The following AAMDC variants were observed in gnomAD, a reference collection of about 807,000 sequenced individuals.
AAMDC encodes the protein mth938 domain-containing protein.
In AAMDC, 16 loss-of-function variants were observed where a neutral mutation model predicts 15.5. The ratio of observed to expected loss-of-function variants is 1.03; its 90% confidence interval spans 0.70 to 1.57. The LOEUF is 1.57. AAMDC is among the 40% of genes most tolerant of loss of function. The pLI, the probability that AAMDC is intolerant of heterozygous loss-of-function variation, is 0.00. For synonymous variants in AAMDC, 51 were observed against 51.6 expected, an observed-to-expected ratio of 0.99 and a Z score of 0.05; for missense variants, 141 against 144.9, an observed-to-expected ratio of 0.97 and a Z score of 0.14.
downstream of AAMDC, among the ~76,000 whole-genome samples, chr11:77,902,625 TTA>T (rs1242068423): frequency 2.0e-5 from 3 of 152,208 alleles, no homozygotes; most frequent in Non-Finnish European, 2.9e-5. Flanking sequence ...AATGGGATTA[TTA>T]TGAGGGTTAA....
rs112874127 is a variant in AAMDC, at chr11:77,837,799, AT to A, written c.-18-4679del. Among the ~76,000 whole-genome samples the A allele has an allele frequency of 8.1e-3, 1,241 of 152,290 alleles. 14 individuals carry two copies. Among genetic ancestry groups the A allele is most frequent in the African/African-American group, 0.027 (1,102 of 41,544 alleles). On this transcript the variant is annotated intron_variant, in intron 1 of 3. Transcript: ENST00000393427. ...AGCCTGGGCACAGTGGCTCATGCCT[AT>A]AATGCAAGCACTTGGGAGGCTGAGA... is the stretch of plus-strand genomic sequence containing the variant.
At chr11:77,834,441 G>GTTTTTTTTTTTTTTTT (rs11438814) in intron 1 of AAMDC, among the ~76,000 whole-genome samples, 1 of 105,548 alleles carries the variant, frequency 9.5e-6, no homozygotes, top group Non-Finnish European at 1.9e-5. Flanking sequence ...AGTTGATTTT[G>GTTTTTTTTTTTTTTTT]TTTTTTTTTT....
In AAMDC at chr11:77,842,598, G is replaced by A. The variant is rs750121409; in HGVS notation, c.102G>A (p.Arg34=). The change falls in exon 2 of 4, where the codon CGG becomes CGA. Residue 34 remains arginine (R), a synonymous_variant. Transcript: ENST00000393427. ...KDCKVWPGGS[R]TWDWRETGTE... ...GCAAAGTATGGCCAGGGGGTAGTCG[G>A]ACTTGGGATTGGAGAGAAACAGGAA... 3 of 1,613,942 alleles carry A rather than the reference G, an allele frequency of 1.9e-6. No homozygotes were observed. The highest frequency in any genetic ancestry group is 2.5e-6 in the Non-Finnish European group (3 of 1,179,954).
At chr11:77,870,528 G>C (rs1364907000) in intron 3 of AAMDC, among the ~76,000 whole-genome samples, 2 of 151,504 alleles carry the variant, frequency 1.3e-5, no homozygotes, top group South Asian at 4.2e-4. Flanking sequence ...TAGTAGAGAC[G>C]GGGTTTCACC....
chr11:77,900,384 C>T (rs1952737200), intron 5 of AAMDC, among the ~76,000 whole-genome samples: 1 of 152,148 alleles, frequency 6.6e-6, no homozygotes, highest in African/African-American at 2.4e-5. Flanking sequence ...CAGGTGTGAG[C>T]CACCACACCC....
Position 77,848,236 on chromosome 11 carries a change from T to C in AAMDC, c.132+5608T>C, listed in dbSNP as rs151314213. 1.2e-3 allele frequency among the ~76,000 whole-genome samples: 183 copies of C among 152,370 alleles called. 1 individual carries two copies. The highest frequency in any genetic ancestry group is 3.4e-3 in the Middle Eastern group (1 of 294). ...GTTATCCAGACTGTGGTTTAAGTTA[T>C]ACTGGAGCACAAACTTACATGGCTT... On this transcript the variant is annotated intron_variant, in intron 2 of 3. Coordinates refer to ENST00000393427, the MANE Select transcript of AAMDC (RefSeq NM_024684.4).
chr11:77,892,774 A>G (rs1011995329), intron 5 of AAMDC, among the ~76,000 whole-genome samples: 1 of 152,102 alleles, frequency 6.6e-6, no homozygotes, highest in Non-Finnish European at 1.5e-5. Context: ...TAGTAGAGAC[A>G]GGGTGTCACT....
intron 5 of AAMDC, among the ~76,000 whole-genome samples, chr11:77,893,816 C>A (rs1332665380): frequency 4.0e-5 from 6 of 151,834 alleles, no homozygotes; most frequent in Non-Finnish European, 5.9e-5. Flanking sequence ...TCACTTGAAC[C>A]CAGGAGGCGG....
intron 5 of AAMDC, among the ~76,000 whole-genome samples, chr11:77,892,238 T>C (rs200435055): frequency 6.6e-6 from 1 of 152,306 alleles, no homozygotes; most frequent in East Asian, 1.9e-4. Flanking sequence ...AAAAAAACGA[T>C]TGCTTCAATG....
At chr11:77,899,811 G>A (rs1483240658) in intron 5 of AAMDC, among the ~76,000 whole-genome samples, 2 of 152,016 alleles carry the variant, frequency 1.3e-5, no homozygotes, top group African/African-American at 2.4e-5. Context: ...AGCAAAGTAT[G>A]GTATGATCCC....
intron 2 of AAMDC, among the ~76,000 whole-genome samples, chr11:77,846,671 A>G (rs1244768963): frequency 6.6e-6 from 1 of 152,188 alleles, no homozygotes; most frequent in African/African-American, 2.4e-5. Flanking sequence ...GCGCCATTGC[A>G]CTCCATCCTG....
Position 77,869,792 on chromosome 11 carries a change from G to T in AAMDC, c.203G>T (p.Gly68Val). The change falls in exon 3 of 4, where the codon GGC (glycine) becomes GTC (valine). Residue 68 changes from glycine (G) to valine (V), a missense_variant. Coordinates refer to ENST00000393427, the MANE Select transcript of AAMDC (RefSeq NM_024684.4). ...VEKGVQTLVI[G>V]RGMSEALKVP... The stretch of plus-strand genomic sequence containing the variant: ...AAGGGTGTACAGACTCTTGTGATTG[G>T]CCGAGGGATGAGTGAGGCCTTGAAG... 1.2e-6 allele frequency: 2 copies of T among 1,613,908 alleles called. No homozygotes were observed. The highest frequency in any genetic ancestry group is 1.7e-5 in the Admixed American group (1 of 60,014).
At chr11:77,829,503 T>C (rs1326037635) in intron 1 of AAMDC, among the ~76,000 whole-genome samples, 1 of 152,172 alleles carries the variant, frequency 6.6e-6, no homozygotes, top group Admixed American at 6.5e-5. Context: ...GACCATCTAA[T>C]GGGGAAAGAA....
chr11:77,851,155 A>G (rs1199626067), intron 2 of AAMDC, among the ~76,000 whole-genome samples: 1 of 152,052 alleles, frequency 6.6e-6, no homozygotes, highest in Non-Finnish European at 1.5e-5. Context: ...GGGTTTCACC[A>G]TCTTGGCCAG....
At chr11:77,837,250 C>T (rs1321545741) in intron 1 of AAMDC, among the ~76,000 whole-genome samples, 1 of 151,068 alleles carries the variant, frequency 6.6e-6, no homozygotes, top group Non-Finnish European at 1.5e-5. Context: ...ATTCTCCTGC[C>T]TCAGTCTACC....
intron 2 of AAMDC, among the ~76,000 whole-genome samples, chr11:77,857,777 G>A (rs1590959504): frequency 6.7e-6 from 1 of 148,716 alleles, no homozygotes; most frequent in Non-Finnish European, 1.5e-5. Context: ...GCTCACTGCA[G>A]CCTCCACCTC....
Position 77,872,262 on chromosome 11 carries a change from G to GC in AAMDC, c.318dup (p.Val108GlyfsTer20). On this transcript the variant is annotated frameshift_variant, in exon 4 of 4. Transcript: ENST00000393427. LOFTEE classifies it high-confidence loss of function. ...AGAGCAGGCAGTGAAGGAGTATAATGCCTTGGTTGCCCAAGGGGTCAGGGT... is the reference window on the plus strand; with the variant it reads ...AGAGCAGGCAGTGAAGGAGTATAATGCCCTTGGTTGCCCAAGGGGTCAGGGT... The GC allele has an allele frequency of 6.2e-7, 1 of 1,613,652 alleles. No homozygotes were observed. Among genetic ancestry groups the GC allele is most frequent in the Admixed American group, 1.7e-5 (1 of 59,938 alleles).
At chr11:77,879,148 A>G (rs1565218214) in intron 5 of AAMDC, 1 of 1,613,284 alleles carries the variant, frequency 6.2e-7, no homozygotes, top group Non-Finnish European at 8.5e-7. Flanking sequence ...GATAAAAGAA[A>G]TCCTCTATAA....
At chr11:77,842,331 T>A (rs1665668390) in intron 1 of AAMDC, 148 bp from the exon 2 acceptor site, 1 of 731,308 alleles carries the variant, frequency 1.4e-6, no homozygotes. Context: ...AATAGTTACT[T>A]TTTAGACCTC....
Sources: gnomAD v4.1 joint callset for allele counts (sites outside exome capture counted in the v4.1 genomes callset) on GRCh38, gnomAD v4.1.1 for gene constraint, MANE v1.5 for transcripts, NCBI Gene and HGNC (gene_info 2026-07-23, HGNC 2026-07-21) for gene names.